Variants in ADGRE1 observed in about 807,000 individuals in gnomAD.
ADGRE1 encodes adhesion G protein-coupled receptor E1.
A neutral mutation model predicts 102.7 loss-of-function variants in ADGRE1; 82 were observed. That is an observed-to-expected ratio of 0.80 (90% CI 0.67 to 0.96). ADGRE1 has a LOEUF of 0.96. Among genes scored for constraint, ADGRE1 ranks in the 40% least tolerant of loss-of-function variants. The pLI is 0.00. For synonymous variants in ADGRE1, 398 were observed against 399.6 expected, an observed-to-expected ratio of 1.00 and a Z score of 0.05; for missense variants, 1,032 against 1,085.3, an observed-to-expected ratio of 0.95 and a Z score of 0.69.
Position 6,903,873 on chromosome 19 carries a change from A to T in ADGRE1, c.725A>T (p.Tyr242Phe). The change falls in exon 7 of 21, where the codon TAC becomes TTC. Residue 242 changes from tyrosine to phenylalanine, a missense_variant. Physicochemically the swap from Tyr to Phe is conservative, Grantham distance 22 (BLOSUM62 3). Transcript: ENST00000312053. ...ACATGCACCAACACTCCTGGGAGCT[A>T]CTTTTGCACCTGCCACCCTGGCTTT... ...NSTCTNTPGS[Y>F]FCTCHPGFAP... 1 of 1,614,198 alleles carries T rather than the reference A, an allele frequency of 6.2e-7. No homozygotes were observed. The highest frequency in any genetic ancestry group is 2.2e-5 in the East Asian group (1 of 44,884).
intron 10 of ADGRE1, among the ~76,000 whole-genome samples, chr19:6,909,464 C>T (rs2144933813): frequency 6.6e-6 from 1 of 152,308 alleles, no homozygotes; most frequent in South Asian, 2.1e-4. Flanking sequence ...AATGAAACCA[C>T]ATAGTATGTG....
At chr19:6,928,899 A>G (rs1352323380) in intron 17 of ADGRE1, among the ~76,000 whole-genome samples, 1 of 151,470 alleles carries the variant, frequency 6.6e-6, no homozygotes, top group Admixed American at 6.6e-5. Context: ...AGATTGCGCC[A>G]TTGCACTCCA....
intron 17 of ADGRE1, chr19:6,928,498 G>A (rs1351189561): frequency 2.1e-5 from 11 of 535,202 alleles, no homozygotes; most frequent in Admixed American, 3.5e-5. Flanking sequence ...GTGGTGGCGA[G>A]CACTTGTAAT....
intron 2 of ADGRE1, among the ~76,000 whole-genome samples, chr19:6,892,670 CA>C (rs1326456251): frequency 1.3e-5 from 2 of 152,154 alleles, no homozygotes; most frequent in Non-Finnish European, 2.9e-5. Flanking sequence ...ATAAAAAACC[CA>C]ACTCCACTAT....
In ADGRE1 at chr19:6,903,962, G is replaced by A. The variant is rs752865842; in HGVS notation, c.802+12G>A. Reference sequence around the variant, plus strand: ...AGTGGAATGTAGAGGTGAGCAGAGAGTTTGATGGACAATCCAGAAAAGACA... The same window carrying A: ...AGTGGAATGTAGAGGTGAGCAGAGAATTTGATGGACAATCCAGAAAAGACA... On this transcript the variant is annotated intron_variant, in intron 7 of 20. Transcript: ENST00000312053. 4 of 1,614,190 alleles carry A rather than the reference G, an allele frequency of 2.5e-6. No homozygotes were observed. The Admixed American group carries it at 5.0e-5, about 20-fold the overall frequency.
chr19:6,902,057 G>C lies in ADGRE1; in HGVS notation c.661+36G>C, dbSNP rs1408603361. The C allele has an allele frequency of 2.5e-6, 4 of 1,612,052 alleles. No individual in the cohort carries two copies. In the African/African-American group the frequency reaches 4.0e-5, roughly 16 times the overall value. On this transcript the variant is annotated intron_variant, in intron 6 of 20. Coordinates refer to ENST00000312053, the MANE Select transcript of ADGRE1 (RefSeq NM_001974.5). ...GTGTCTTCTGAGAAGTCAGGTCCAA[G>C]TCTGTTTGAAAAGACAGCAGTGAGG...
At chr19:6,910,109 T>C (rs1974116972) in intron 10 of ADGRE1, among the ~76,000 whole-genome samples, 1 of 152,156 alleles carries the variant, frequency 6.6e-6, no homozygotes, top group African/African-American at 2.4e-5. Context: ...GTTATTTTTG[T>C]ATGAAAATAA....
At position 6,906,462 on chromosome 19, in the gene ADGRE1, A is replaced by T. The variant is rs1448647038; in HGVS notation, c.979A>T (p.Ile327Leu). 8.1e-6 allele frequency: 13 copies of T among 1,613,768 alleles called. No individual in the cohort carries two copies. The highest frequency in any genetic ancestry group is 8.5e-6 in the Non-Finnish European group (10 of 1,179,836). ...RVLFKCKEDV[I>L]PDNKQIQQCQ... ...TCTCTTCAAATGTAAGGAAGATGTG[A>T]TACCCGATAATAAGCAGATCCAGCA... Residue 327 changes from isoleucine to leucine, a missense_variant, in exon 9 of 21, where the codon ATA (isoleucine) becomes TTA (leucine). By Grantham distance (5) the Ile-to-Leu change is conservative (BLOSUM62 2). Coordinates refer to ENST00000312053, the MANE Select transcript of ADGRE1 (RefSeq NM_001974.5).
At position 6,931,285 on chromosome 19, in the gene ADGRE1, T is replaced by C. The variant is rs570097135; in HGVS notation, c.2289+3074T>C. Among the ~76,000 whole-genome samples the C allele has an allele frequency of 7.2e-5, 11 of 152,354 alleles. No homozygotes were observed. In the South Asian group the frequency reaches 1.7e-3, roughly 23 times the overall value. ...ATATTCCTCCACAGAGGTTTTGTGCTGATGTCTATCAGATTTTTTTTAATG... is the reference window on the plus strand; with the variant it reads ...ATATTCCTCCACAGAGGTTTTGTGCCGATGTCTATCAGATTTTTTTTAATG... On this transcript the variant is annotated intron_variant, in intron 17 of 20. Coordinates refer to ENST00000312053, the MANE Select transcript of ADGRE1 (RefSeq NM_001974.5).
intron 1 of ADGRE1, among the ~76,000 whole-genome samples, chr19:6,887,971 A>G (rs1238568178): frequency 6.6e-6 from 1 of 152,214 alleles, no homozygotes; most frequent in East Asian, 1.9e-4. Context: ...GCAGACAGGA[A>G]AGAAGGCACA....
At position 6,906,477 on chromosome 19, in the gene ADGRE1, C is replaced by T. The variant is rs1973961797; in HGVS notation, c.994C>T (p.Gln332Ter). 4 of 1,613,750 alleles carry T rather than the reference C, an allele frequency of 2.5e-6. No individual in the cohort carries two copies. The South Asian group carries it at 3.3e-5, about 13-fold the overall frequency. The change falls in exon 9 of 21, where the codon CAG becomes TAG. Residue 332 changes from glutamine to a stop codon, truncating the protein, a stop_gained. Coordinates refer to ENST00000312053, the MANE Select transcript of ADGRE1 (RefSeq NM_001974.5). LOFTEE classifies it high-confidence loss of function. ...CKEDVIPDNK[Q>*]IQQCQEGTAV... ...GGAAGATGTGATACCCGATAATAAG[C>T]AGATCCAGCAATGCCAAGAGGGAAC...
intron 10 of ADGRE1, among the ~76,000 whole-genome samples, chr19:6,911,538 G>A (rs1379288747): frequency 2.0e-5 from 3 of 151,758 alleles, no homozygotes; most frequent in African/African-American, 7.3e-5. Flanking sequence ...AACACATCCA[G>A]TGTTAAGAGG....
chr19:6,896,495 C>G lies in ADGRE1; in HGVS notation c.192C>G (p.Ser64=), dbSNP rs1884411515. The change falls in exon 3 of 21, where the codon TCC becomes TCG. Residue 64 remains serine (S), a synonymous_variant. Transcript: ENST00000312053. The stretch of plus-strand genomic sequence containing the variant: ...GCGCTTGCAAACAAGGCTTCCTGTC[C>G]AGCAATGGGCAAAATCACTTCAAGG... The part of the protein sequence containing the change: ...YYCACKQGFL[S]SNGQNHFKDP... 1 of 1,613,974 alleles carries G rather than the reference C, an allele frequency of 6.2e-7. No individual in the cohort carries two copies. Among genetic ancestry groups the G allele is most frequent in the African/African-American group, 1.3e-5 (1 of 74,898 alleles).
At chr19:6,928,079 G>A in intron 16 of ADGRE1, 66 bp from the exon 17 acceptor site, 1 of 1,547,586 alleles carries the variant, frequency 6.5e-7, no homozygotes, top group Admixed American at 1.9e-5. Flanking sequence ...GCATTTGTTG[G>A]GACAGGGTTA....
At chr19:6,920,515 G>GTTTTTTTT (rs1568355076) in intron 13 of ADGRE1, among the ~76,000 whole-genome samples, 6 of 67,984 alleles carry the variant, frequency 8.8e-5, no homozygotes, top group Non-Finnish European at 2.0e-4. Context: ...CACCATGCCC[G>GTTTTTTTT]CTTTTTTTTT....
chr19:6,897,363 T>G lies in ADGRE1; in HGVS notation c.394+59T>G. 5 of 1,607,674 alleles carry G rather than the reference T, an allele frequency of 3.1e-6. No homozygotes were observed. The South Asian group carries it at 3.3e-5, about 11-fold the overall frequency. ...GGTGGATATCTATCAGTGGGGTGAG[T>G]TCATGTATTTCTGAACTGAGGCACC... On this transcript the variant is annotated intron_variant, in intron 4 of 20. Transcript: ENST00000312053.
chr19:6,906,429 C>T lies in ADGRE1; in HGVS notation c.950-4C>T, dbSNP rs747367388. 1.9e-6 allele frequency: 3 copies of T among 1,610,388 alleles called. No homozygotes were observed. Among genetic ancestry groups the T allele is most frequent in the African/African-American group, 2.7e-5 (2 of 74,778 alleles). On this transcript the variant is annotated splice_region_variant and splice_polypyrimidine_tract_variant and intron_variant, in intron 8 of 20. Transcript: ENST00000312053. ...TGGTTTGGTTGCTGTTGTTTTCTTC[C>T]TAGGGGTTCTCTTCAAATGTAAGGA... is the stretch of plus-strand genomic sequence containing the variant.
At position 6,916,312 on chromosome 19, in the gene ADGRE1, C is replaced by T. The variant is rs1432999228; in HGVS notation, c.1364C>T (p.Ala455Val). ...GAGAATGTGACGTTGGACTTGGTAG[C>T]CAAGGGGGATAAGATGAAGATCGGG... The part of the protein sequence containing the change: ...SEENVTLDLV[A>V]KGDKMKIGCS... Residue 455 changes from alanine to valine, a missense_variant, in exon 12 of 21, where the codon GCC becomes GTC. Coordinates refer to ENST00000312053, the MANE Select transcript of ADGRE1 (RefSeq NM_001974.5). 1.9e-6 allele frequency: 3 copies of T among 1,613,366 alleles called. No individual in the cohort carries two copies. The highest frequency in any genetic ancestry group is 2.5e-6 in the Non-Finnish European group (3 of 1,179,586).
At chr19:6,896,159 G>GAGA in intron 2 of ADGRE1, 2 of 440,148 alleles carry the variant, frequency 4.5e-6, no homozygotes, top group Non-Finnish European at 8.3e-6. Flanking sequence ...AAGGACACCT[G>GAGA]TGGCCCACCC....
Sources: allele counts gnomAD v4.1 joint callset (sites outside exome capture counted in the v4.1 genomes callset), GRCh38; gene constraint gnomAD v4.1.1; transcripts MANE v1.5; gene names NCBI Gene and HGNC (gene_info 2026-07-23, HGNC 2026-07-21).